CNTNAP4: variants seen among roughly 807,000 people sequenced by gnomAD.
The protein encoded by CNTNAP4 is contactin-associated protein-like 4.
A neutral mutation model predicts 148.4 loss-of-function variants in CNTNAP4; 98 were observed. That is an observed-to-expected ratio of 0.66 (90% CI 0.56 to 0.78). The LOEUF (loss-of-function observed/expected upper bound fraction) is 0.78. Among genes scored for constraint, CNTNAP4 ranks in the 30% least tolerant of loss-of-function variants. CNTNAP4 has a pLI of 0.00. For missense variants in CNTNAP4, 1,935 were observed against 1,565.6 expected, an observed-to-expected ratio of 1.24 and a Z score of -3.98; for synonymous variants, 730 against 565.1, an observed-to-expected ratio of 1.29 and a Z score of -4.14.
At chr16:76,376,962 T>C (rs2015483352) in intron 3 of CNTNAP4, among the ~76,000 whole-genome samples, 1 of 148,978 alleles carries the variant, frequency 6.7e-6, no homozygotes, top group Non-Finnish European at 1.5e-5. Flanking sequence ...TGTACACATA[T>C]ACATACATGT....
chr16:76,368,473 C>T (rs146456994), intron 3 of CNTNAP4, among the ~76,000 whole-genome samples: 10 of 152,308 alleles, frequency 6.6e-5, no homozygotes, highest in African/African-American at 1.2e-4. Flanking sequence ...GGCACATATA[C>T]ACTGTGGAAT....
chr16:76,282,789 C>T (rs368286681), intron 1 of CNTNAP4, among the ~76,000 whole-genome samples: 25 of 151,746 alleles, frequency 1.6e-4, no homozygotes, highest in East Asian at 3.9e-4. Context: ...ATTTTATTTA[C>T]GCTATACTTT....
At chr16:76,469,875 G>A (rs1346271152) in intron 10 of CNTNAP4, among the ~76,000 whole-genome samples, 2 of 152,014 alleles carry the variant, frequency 1.3e-5, no homozygotes, top group Non-Finnish European at 1.5e-5. Flanking sequence ...AAATTTCCAA[G>A]CGTATCTGTA....
At chr16:76,553,049 C>G (rs1207020664) in intron 21 of CNTNAP4, among the ~76,000 whole-genome samples, 1 of 152,118 alleles carries the variant, frequency 6.6e-6, no homozygotes, top group African/African-American at 2.4e-5. Flanking sequence ...TTCTAGGGAG[C>G]TTACCATATC....
chr16:76,539,882 AT>A (rs780713540), intron 20 of CNTNAP4, 30 bp downstream of exon 20: 1 of 1,510,144 alleles, frequency 6.6e-7, no homozygotes, highest in South Asian at 1.3e-5. Context: ...AGAAGCAATC[AT>A]TTTAATGACT....
intron 17 of CNTNAP4, among the ~76,000 whole-genome samples, chr16:76,527,317 G>A (rs1164635402): frequency 6.6e-6 from 1 of 152,044 alleles, no homozygotes; most frequent in East Asian, 1.9e-4. Context: ...GTTAAGTCTT[G>A]CTCTATTCTC....
chr16:76,447,531 CAG>C (rs1367227584), intron 4 of CNTNAP4, among the ~76,000 whole-genome samples: 2 of 152,100 alleles, frequency 1.3e-5, no homozygotes, highest in Non-Finnish European at 2.9e-5. Context: ...CTGGACTACA[CAG>C]ACAGTCCCTG....
intron 20 of CNTNAP4, among the ~76,000 whole-genome samples, 163 bp from the exon 21 acceptor site, chr16:76,540,540 C>A (rs1385325609): frequency 1.3e-5 from 2 of 151,324 alleles, no homozygotes; most frequent in African/African-American, 4.8e-5. Context: ...TTAGAAAAAC[C>A]TTTCTAAGTG....
intron 3 of CNTNAP4, among the ~76,000 whole-genome samples, chr16:76,419,158 C>A (rs1243431062): frequency 6.6e-6 from 1 of 151,894 alleles, no homozygotes; most frequent in Non-Finnish European, 1.5e-5. Flanking sequence ...GCTTTTTTCC[C>A]TCCTGCCAGC....
intron 3 of CNTNAP4, among the ~76,000 whole-genome samples, chr16:76,414,580 A>G (rs968822858): frequency 1.3e-5 from 2 of 151,242 alleles, no homozygotes; most frequent in Non-Finnish European, 3.0e-5. Flanking sequence ...TGCTCTTTGA[A>G]GGTACTTGTT....
At chr16:76,453,012 C>T (rs991927158) in intron 8 of CNTNAP4, among the ~76,000 whole-genome samples, 2 of 152,122 alleles carry the variant, frequency 1.3e-5, no homozygotes, top group East Asian at 1.9e-4. Flanking sequence ...TTTCCTTTCA[C>T]GACCCTGTCT....
intron 21 of CNTNAP4, among the ~76,000 whole-genome samples, chr16:76,546,832 A>C (rs903631443): frequency 6.6e-6 from 1 of 152,152 alleles, no homozygotes; most frequent in Non-Finnish European, 1.5e-5. Context: ...TGTCTGTTAA[A>C]TGTAATGGGG....
At chr16:76,460,793 T>TATATATATATATATATATATATATATAC (rs1292198875) in intron 8 of CNTNAP4, among the ~76,000 whole-genome samples, 3 of 110,506 alleles carry the variant, frequency 2.7e-5, no homozygotes, top group African/African-American at 1.1e-4. Context: ...TATATATATA[T>TATATATATATATATATATATATATATAC]ATTTAGAATT....
At chr16:76,378,125 C>T (rs1163629047) in intron 3 of CNTNAP4, among the ~76,000 whole-genome samples, 3 of 151,910 alleles carry the variant, frequency 2.0e-5, no homozygotes, top group East Asian at 3.9e-4. Context: ...ATTGGAGATT[C>T]TAAAAAGAGG....
intron 3 of CNTNAP4, among the ~76,000 whole-genome samples, chr16:76,408,466 A>C (rs567092959): frequency 3.4e-5 from 5 of 148,526 alleles, no homozygotes; most frequent in Admixed American, 1.3e-4. Flanking sequence ...TAGCAAAACC[A>C]ACCCTCTTGT....
At chr16:76,526,943 G>A (rs1193601786) in intron 17 of CNTNAP4, among the ~76,000 whole-genome samples, 2 of 152,100 alleles carry the variant, frequency 1.3e-5, no homozygotes, top group Non-Finnish European at 2.9e-5. Flanking sequence ...CAAAGTGCTG[G>A]GATTACAGGT....
At chr16:76,384,564 C>T (rs370501802) in intron 3 of CNTNAP4, among the ~76,000 whole-genome samples, 83 of 152,216 alleles carry the variant, frequency 5.5e-4, no homozygotes, top group African/African-American at 2.0e-3. Context: ...CATTCTCCCG[C>T]ACTTGGAGAG....
At chr16:76,293,221 T>A (rs1385117645) in intron 1 of CNTNAP4, among the ~76,000 whole-genome samples, 1 of 151,998 alleles carries the variant, frequency 6.6e-6, no homozygotes, top group Non-Finnish European at 1.5e-5. Flanking sequence ...ACCTCCCGGG[T>A]TCGAGCGATT....
intron 15 of CNTNAP4, among the ~76,000 whole-genome samples, chr16:76,499,705 T>A (rs12924800): frequency 7.0e-6 from 1 of 143,806 alleles, no homozygotes; most frequent in Non-Finnish European, 1.6e-5. Context: ...AGGGCCCTGC[T>A]GCCTTCCGCA....
Sources: gnomAD v4.1 joint callset for allele counts (sites outside exome capture counted in the v4.1 genomes callset) on GRCh38, gnomAD v4.1.1 for gene constraint, MANE v1.5 for transcripts, NCBI Gene and HGNC (gene_info 2026-07-23, HGNC 2026-07-21) for gene names.